The following SPIRE1 variants were observed in gnomAD, a reference collection of about 807,000 sequenced individuals.
SPIRE1 encodes spire type actin nucleation factor 1.
A neutral mutation model predicts 94.1 loss-of-function variants in SPIRE1; 40 were observed. The observed-to-expected ratio is 0.43, with a 90% CI of 0.33 to 0.55. The LOEUF is 0.55. SPIRE1 is among the 20% of genes least tolerant of loss of function. The probability of loss-of-function intolerance (pLI) is 0.06; values close to 1 mark genes in which losing one functional copy is unlikely to be tolerated. For missense variants in SPIRE1, 838 were observed against 975.2 expected, an observed-to-expected ratio of 0.86 and a Z score of 1.87; for synonymous variants, 376 against 371.7, an observed-to-expected ratio of 1.01 and a Z score of -0.13.
chr18:12,512,307 T>C, intron 5 of SPIRE1, 147 bp downstream of exon 5: 1 of 559,016 alleles, frequency 1.8e-6, no homozygotes, highest in Admixed American at 3.4e-5. Context: ...GGGGTTGCAG[T>C]ACCCGGGAGG....
At chr18:12,524,369 C>T (rs747378183) in intron 4 of SPIRE1, among the ~76,000 whole-genome samples, 24 of 152,090 alleles carry the variant, frequency 1.6e-4, no homozygotes, top group Admixed American at 3.3e-4. Flanking sequence ...AGAATTTGGC[C>T]GATGAGGTTT....
In SPIRE1 at chr18:12,559,041, C is replaced by T. The variant is rs546166741; in HGVS notation, c.373-12137G>A. Among the ~76,000 whole-genome samples the T allele has an allele frequency of 4.5e-4, 68 of 152,276 alleles. 1 individual carries two copies. The highest frequency in any genetic ancestry group is 1.1e-3 in the African/African-American group (47 of 41,586). On this transcript the variant is annotated intron_variant, in intron 2 of 16. Coordinates refer to ENST00000409402, the MANE Select transcript of SPIRE1 (RefSeq NM_001128626.2). This position sits in a 1 kb window ranked among gnomAD's most constrained non-coding sequence, Gnocchi z 4.7. ...TCCCCTAGTGGATCCTGCACCAGGG[C>T]GGCGGGCAGAGGTGCCCGCCAGTCC...
At chr18:12,464,669 C>G (rs944350791) in intron 11 of SPIRE1, among the ~76,000 whole-genome samples, 199 bp downstream of exon 11, 3 of 152,134 alleles carry the variant, frequency 2.0e-5, no homozygotes, top group Middle Eastern at 3.2e-3. Context: ...CACACATGTG[C>G]CTGCTCTGTC....
At chr18:12,474,521 C>A (rs1306955803) in intron 10 of SPIRE1, among the ~76,000 whole-genome samples, 1 of 152,102 alleles carries the variant, frequency 6.6e-6, no homozygotes, top group African/African-American at 2.4e-5. Context: ...AAAGTTTTGG[C>A]ACTTAAAAAC....
chr18:12,529,313 G>A (rs1201050715), intron 4 of SPIRE1, among the ~76,000 whole-genome samples: 1 of 151,344 alleles, frequency 6.6e-6, no homozygotes, highest in African/African-American at 2.4e-5. Context: ...AACTTGCAGT[G>A]AGCTGATATT....
chr18:12,560,795 G>A (rs2035660180), intron 2 of SPIRE1, among the ~76,000 whole-genome samples: 1 of 152,206 alleles, frequency 6.6e-6, no homozygotes, highest in Admixed American at 6.5e-5. Flanking sequence ...AAGGTTGGCA[G>A]TGAGCCAAGA....
intron 2 of SPIRE1, among the ~76,000 whole-genome samples, chr18:12,623,531 G>C (rs181133378): frequency 6.6e-6 from 1 of 152,288 alleles, no homozygotes; most frequent in Admixed American, 6.5e-5. Context: ...TTCCCACACA[G>C]ATCCCATCCG....
intron 2 of SPIRE1, among the ~76,000 whole-genome samples, chr18:12,600,862 C>G (rs1455513089): frequency 1.0e-5 from 1 of 99,372 alleles, no homozygotes; most frequent in Non-Finnish European, 2.6e-5. Context: ...GTACAAGGAC[C>G]ACAGTGTACG....
At chr18:12,504,989 A>G (rs1042299040) in intron 6 of SPIRE1, among the ~76,000 whole-genome samples, 3 of 152,176 alleles carry the variant, frequency 2.0e-5, no homozygotes, top group Non-Finnish European at 4.4e-5. Context: ...AGGGAAGCAT[A>G]GCAGAAGATG....
At chr18:12,573,144 T>A (rs1288948925) in intron 2 of SPIRE1, among the ~76,000 whole-genome samples, 1 of 152,028 alleles carries the variant, frequency 6.6e-6, no homozygotes, top group African/African-American at 2.4e-5. Flanking sequence ...TAAAACCCAG[T>A]GAGAAAACAA....
chr18:12,634,239 C>T (rs978665128), intron 2 of SPIRE1, among the ~76,000 whole-genome samples: 3 of 141,474 alleles, frequency 2.1e-5, no homozygotes, highest in Non-Finnish European at 4.6e-5. Context: ...CAGAGCGAGA[C>T]TCCGTCTAAA....
At chr18:12,463,050 A>C (rs1282401510) in intron 12 of SPIRE1, among the ~76,000 whole-genome samples, 2 of 151,872 alleles carry the variant, frequency 1.3e-5, no homozygotes, top group African/African-American at 4.8e-5. Context: ...GGTGTGCACT[A>C]CCACACCTGG....
intron 2 of SPIRE1, among the ~76,000 whole-genome samples, chr18:12,567,787 T>C (rs2035855184): frequency 6.6e-6 from 1 of 152,200 alleles, no homozygotes; most frequent in African/African-American, 2.4e-5. Flanking sequence ...CTGAGGGTCA[T>C]GACTCTCTGT....
At chr18:12,573,502 C>A (rs2036010990) in intron 2 of SPIRE1, among the ~76,000 whole-genome samples, 1 of 152,136 alleles carries the variant, frequency 6.6e-6, no homozygotes, top group African/African-American at 2.4e-5. Context: ...TATGTCCATA[C>A]AAAAACCTGC....
Position 12,449,751 on chromosome 18 carries a change from G to A in SPIRE1, c.2158C>T (p.Leu720=), listed in dbSNP as rs61750780. The change falls in exon 17 of 17, where the codon CTG becomes TTG. Residue 720 remains leucine (L), a synonymous_variant. Coordinates refer to ENST00000409402, the MANE Select transcript of SPIRE1 (RefSeq NM_001128626.2). ...SEIISSSRRS[L]VLANKRARLK... is the part of the protein sequence containing the mutation. ...CGGGCCCTTTTGTTGGCCAACACCA[G>A]ACTGCGCCGGCTTGAACTGATGATT... 3,644 of 1,614,110 alleles carry A rather than the reference G, an allele frequency of 2.3e-3. 73 individuals carry two copies. In the African/African-American group the frequency reaches 0.043, roughly 19 times the overall value.
intron 7 of SPIRE1, 24 bp downstream of exon 7, chr18:12,495,992 A>C: frequency 2.0e-6 from 3 of 1,529,842 alleles, no homozygotes; most frequent in Non-Finnish European, 2.7e-6. Context: ...TCTCCAATCT[A>C]GAGAACTATG....
chr18:12,597,541 T>C (rs535489559), intron 2 of SPIRE1, among the ~76,000 whole-genome samples: 1 of 152,332 alleles, frequency 6.6e-6, no homozygotes, highest in South Asian at 2.1e-4. Flanking sequence ...TTTTTTAACA[T>C]TTGCCAATGA....
In SPIRE1 at chr18:12,576,210, G is replaced by C. The variant is rs564442878; in HGVS notation, c.373-29306C>G. On this transcript the variant is annotated intron_variant, in intron 2 of 16. Transcript: ENST00000409402. ...ATAGTGAGACTCGTCTCAAAAAAAA[G>C]AAAAAAAGTATATGGAAATGCAAAT... Among the ~76,000 whole-genome samples the C allele has an allele frequency of 1.7e-3, 261 of 150,622 alleles. 1 individual carries two copies. The highest frequency in any genetic ancestry group is 3.1e-3 in the Non-Finnish European group (212 of 67,556).
chr18:12,451,688 G>T (rs910661110), intron 16 of SPIRE1, among the ~76,000 whole-genome samples: 1 of 152,216 alleles, frequency 6.6e-6, no homozygotes, highest in African/African-American at 2.4e-5. Flanking sequence ...GGCCCTGCCA[G>T]CTTGAGGCTT....
Sources: allele counts gnomAD v4.1 joint callset (sites outside exome capture counted in the v4.1 genomes callset), GRCh38; gene constraint gnomAD v4.1.1; non-coding constraint Gnocchi (gnomAD v3.1); transcripts MANE v1.5; gene names NCBI Gene and HGNC (gene_info 2026-07-23, HGNC 2026-07-21).